PLXND1: variants seen among roughly 807,000 people sequenced by gnomAD.
PLXND1 encodes plexin-D1.
A neutral mutation model predicts 197.7 loss-of-function variants in PLXND1; 54 were observed. That is an observed-to-expected ratio of 0.27 (90% CI 0.22 to 0.34). PLXND1 has a LOEUF of 0.34. Ranked by LOEUF, PLXND1 falls within the 10% of genes least tolerant of loss-of-function variation. The pLI is 1.00. For synonymous variants in PLXND1, 1,180 were observed against 1,161.2 expected, an observed-to-expected ratio of 1.02 and a Z score of -0.33; for missense variants, 2,127 against 2,699.2, an observed-to-expected ratio of 0.79 and a Z score of 4.70.
chr3:129,568,640 C>T (rs2108772166), intron 20 of PLXND1, among the ~76,000 whole-genome samples: 1 of 152,318 alleles, frequency 6.6e-6, no homozygotes, highest in East Asian at 1.9e-4. Context: ...CCTCCACCTC[C>T]CAGGCTCAGG....
chr3:129,566,412 G>A (rs1046955437), intron 23 of PLXND1, 115 bp downstream of exon 23: 5 of 716,574 alleles, frequency 7.0e-6, no homozygotes, highest in Non-Finnish European at 1.3e-5. Flanking sequence ...AATGGCAGAT[G>A]CCTCCCAACT....
chr3:129,597,462 C>A (rs1381065593), intron 1 of PLXND1, among the ~76,000 whole-genome samples: 1 of 152,130 alleles, frequency 6.6e-6, no homozygotes, highest in Non-Finnish European at 1.5e-5. Context: ...CTGGCCTCCA[C>A]TCCAAGGCCT....
At position 129,556,111 on chromosome 3, in the gene PLXND1, A is replaced by C; in HGVS notation, c.*201T>G. On this transcript the variant is annotated 3_prime_UTR_variant, in exon 36 of 36. Transcript: ENST00000324093. ...CCATCCCAGAGACTGATCTGGGGAC[A>C]GGTGGGAGGGGATGGAGGTGCCCAG... 1 of 562,550 alleles carries C rather than the reference A, an allele frequency of 1.8e-6. No homozygotes were observed. Among genetic ancestry groups the C allele is most frequent in the Non-Finnish European group, 3.2e-6 (1 of 312,666 alleles). 34.8% of individuals were successfully genotyped at this position (562,550 alleles called of 1,614,324 possible).
chr3:129,605,685 C>G lies in PLXND1; in HGVS notation c.955G>C (p.Ala319Pro), dbSNP rs1323593306. 1 of 1,537,912 alleles carries G rather than the reference C, an allele frequency of 6.5e-7. No individual in the cohort carries two copies. Among genetic ancestry groups the G allele is most frequent in the South Asian group, 1.2e-5 (1 of 83,730 alleles). ...GCGCCGTGGGGCAGGCAGATGCGCG[C>G]CAGCAGGCTCCGCGCCTGGCTCTCC... ...DKESQARSLLARICLPHGAGG... is the reference protein window; with the variant it reads ...DKESQARSLLPRICLPHGAGG... Residue 319 changes from alanine to proline, a missense_variant, in exon 1 of 36, where the codon GCG becomes CCG. Physicochemically the swap from Ala to Pro is conservative, Grantham distance 27 (BLOSUM62 -1). Transcript: ENST00000324093.
chr3:129,575,775 G>C lies in PLXND1; in HGVS notation c.2427C>G (p.Asp809Glu), dbSNP rs1461828787. The stretch of plus-strand genomic sequence containing the variant: ...GAGTCACCCCACTCACCACCACCTG[G>C]TCACAGCGTACAACAGACTCATTCA... ...VWVNESVVRC[D>E]QVVLHTTRKS... Residue 809 changes from aspartate (D) to glutamate (E), a missense_variant, in exon 10 of 36, where the codon GAC becomes GAG. Physicochemically the swap from Asp to Glu is conservative, Grantham distance 45. Around this residue, in one of 6 missense-constraint regions of PLXND1, gnomAD observed 1,095 missense variants for 1,259.8 expected, o/e 0.87. Coordinates refer to ENST00000324093, the MANE Select transcript of PLXND1 (RefSeq NM_015103.3). The C allele has an allele frequency of 1.2e-6, 2 of 1,611,894 alleles. No individual in the cohort carries two copies. Among genetic ancestry groups the C allele is most frequent in the East Asian group, 2.2e-5 (1 of 44,852 alleles).
In PLXND1 at chr3:129,555,866, A is replaced by C; in HGVS notation, c.*446T>G. On this transcript the variant is annotated 3_prime_UTR_variant, in exon 36 of 36. Transcript: ENST00000324093. ...TGGTAGTTGAAGCAGAAACCAATCA[A>C]AGGTCAGTTCAAGGAGGGCTCCCTG... 3.4e-6 allele frequency: 1 copy of C among 296,890 alleles called. No individual in the cohort carries two copies. Among genetic ancestry groups the C allele is most frequent in the East Asian group, 8.0e-5 (1 of 12,488 alleles). The allele number at this position is 296,890 out of a possible 1,614,324, so 18.4% of individuals were successfully genotyped here.
At chr3:129,572,800 C>A (rs145993126) in intron 14 of PLXND1, 42 bp downstream of exon 14, 4 of 1,611,342 alleles carry the variant, frequency 2.5e-6, no homozygotes, top group Non-Finnish European at 3.4e-6. Context: ...CGGGAGTGTG[C>A]GTGCTGGGCG....
Position 129,575,565 on chromosome 3 carries a change from G to A in PLXND1, c.2437-3C>T, listed in dbSNP as rs1335333101. 7 of 1,551,716 alleles carry A rather than the reference G, an allele frequency of 4.5e-6. No homozygotes were observed. Among genetic ancestry groups the A allele is most frequent in the Non-Finnish European group, 6.1e-6 (7 of 1,146,046 alleles). On this transcript the variant is annotated splice_region_variant and splice_polypyrimidine_tract_variant and intron_variant, in intron 10 of 35. Transcript: ENST00000324093. ...TGGCTCTTCCGGGTCGTGTGCAGCTGCAAAAGGGCAGAAAAGAGCATAGGG... is the reference window on the plus strand; with the variant it reads ...TGGCTCTTCCGGGTCGTGTGCAGCTACAAAAGGGCAGAAAAGAGCATAGGG...
rs1352451467 is a variant in PLXND1, at chr3:129,559,706, G to T, written c.5211C>A (p.Val1737=). The T allele has an allele frequency of 2.5e-6, 4 of 1,613,232 alleles. No homozygotes were observed. The highest frequency in any genetic ancestry group is 1.7e-6 in the Non-Finnish European group (2 of 1,179,694). ...CCTCCAGGAAGTCGAAAAAGTACTT[G>T]ACAGCCAGTGGGGGCTTGTCTTCAC... ...SIREDKPPLA[V]KYFFDFLEEQ... The change falls in exon 32 of 36, where the codon GTC becomes GTA. Residue 1737 remains valine (V), a synonymous_variant. Transcript: ENST00000324093.
At chr3:129,573,480 A>T in intron 13 of PLXND1, 114 bp downstream of exon 13, 1 of 1,097,292 alleles carries the variant, frequency 9.1e-7, no homozygotes, top group Non-Finnish European at 1.3e-6. Flanking sequence ...ACGAAGCAAC[A>T]GTCTTCCAGA....
intron 32 of PLXND1, chr3:129,559,186 G>A (rs1422953143): frequency 2.5e-5 from 4 of 159,636 alleles, no homozygotes; most frequent in African/African-American, 9.6e-5. Context: ...GACAAGCTAA[G>A]AGGTGCCTCA....
Position 129,556,666 on chromosome 3 carries a change from T to C in PLXND1, c.5612A>G (p.Asn1871Ser), listed in dbSNP as rs200118477. ...SRKYQNEFNT[N>S]VAMAEIYKYA... ...CTTATAAATCTCTGCCATGGCCACATTGGTGTTGAACTCATTCTGGTATTT... is the reference window on the plus strand; with the variant it reads ...CTTATAAATCTCTGCCATGGCCACACTGGTGTTGAACTCATTCTGGTATTT... Residue 1871 changes from asparagine to serine, a missense_variant, in exon 35 of 36, where the codon AAT becomes AGT. This residue lies in a region of PLXND1 where 200 missense variants were observed against 303.3 expected (regional missense o/e 0.66). Transcript: ENST00000324093. 1.2e-5 allele frequency: 20 copies of C among 1,612,962 alleles called. No individual in the cohort carries two copies. The African/African-American group carries it at 2.1e-4, about 17-fold the overall frequency.
chr3:129,573,009 G>A (rs1282155242), intron 13 of PLXND1, 68 bp from the exon 14 acceptor site: 5 of 1,108,186 alleles, frequency 4.5e-6, no homozygotes. Context: ...CCAGGCTCAG[G>A]GATCGCCCCA....
At chr3:129,567,033 G>A (rs892303056) in intron 22 of PLXND1, among the ~76,000 whole-genome samples, 2 of 151,876 alleles carry the variant, frequency 1.3e-5, no homozygotes, top group African/African-American at 2.4e-5. Context: ...CCACTAGGAG[G>A]TAGAGTGAGG....
At position 129,584,392 on chromosome 3, in the gene PLXND1, G is replaced by A; in HGVS notation, c.2022C>T (p.Pro674=). 1.9e-6 allele frequency: 3 copies of A among 1,611,456 alleles called. No homozygotes were observed. Among genetic ancestry groups the A allele is most frequent in the Non-Finnish European group, 2.5e-6 (3 of 1,178,696 alleles). ...ACAGCACAGCGTGCTTACCCTGGTT[G>A]GGGGGGAAGGGCGGAAACTGGTCCC... ...LPRDQFPPFP[P]NQDHVTVEMS... Residue 674 remains proline, a synonymous_variant, in exon 6 of 36, where the codon CCC becomes CCT. Transcript: ENST00000324093.
chr3:129,561,494 C>T (rs1401034488), intron 29 of PLXND1, 152 bp downstream of exon 29: 2 of 619,174 alleles, frequency 3.2e-6, no homozygotes, highest in Non-Finnish European at 5.7e-6. Flanking sequence ...AGTACTGGGT[C>T]AGAGGAGGCT....
rs1234439330 is a variant in PLXND1 at position 129,586,013 on chromosome 3, G to A, written c.1790C>T (p.Pro597Leu). ...QHFWTSASEG[P>L]SRCPAMTVLP... ...GACGGTCATGGCAGGACAGCGGCTG[G>A]GGCCCTCGCTGGCACTGGTCCAGAA... Residue 597 changes from proline (P) to leucine (L), a missense_variant, in exon 5 of 36, where the codon CCC becomes CTC. By Grantham distance (98) the Pro-to-Leu change is moderately conservative. This residue lies in a region of PLXND1 where 1,095 missense variants were observed against 1,259.8 expected (regional missense o/e 0.87). Coordinates refer to ENST00000324093, the MANE Select transcript of PLXND1 (RefSeq NM_015103.3). 6.2e-7 allele frequency: 1 copy of A among 1,613,884 alleles called. No homozygotes were observed. The highest frequency in any genetic ancestry group is 1.7e-5 in the Admixed American group (1 of 60,010).
At chr3:129,591,096 G>A (rs1258603877) in intron 1 of PLXND1, among the ~76,000 whole-genome samples, 4 of 152,176 alleles carry the variant, frequency 2.6e-5, no homozygotes, top group Non-Finnish European at 2.9e-5. Context: ...AGTTACGGCC[G>A]GATGGGCTTC....
At chr3:129,579,238 A>G (rs1342920238) in intron 8 of PLXND1, among the ~76,000 whole-genome samples, 1 of 152,166 alleles carries the variant, frequency 6.6e-6, no homozygotes, top group Admixed American at 6.5e-5. Context: ...CTCCAAGAGC[A>G]GTGAGCTGCC....
Sources: gnomAD v4.1 joint callset for allele counts (sites outside exome capture counted in the v4.1 genomes callset) on GRCh38, gnomAD v4.1.1 for gene constraint, gnomAD v4.1.1 regional missense constraint, MANE v1.5 for transcripts, NCBI Gene and HGNC (gene_info 2026-07-23, HGNC 2026-07-21) for gene names.